Variants in STT3A observed in about 807,000 individuals in gnomAD.
The protein encoded by STT3A is STT3 oligosaccharyltransferase complex catalytic subunit A, also known as dolichyl-diphosphooligosaccharide--protein glycosyltransferase subunit STT3A.
STT3A carries 34 observed loss-of-function variants against 89.2 expected under a neutral mutation model. The ratio of observed to expected loss-of-function variants is 0.38; its 90% CI spans 0.29 to 0.51. The LOEUF (loss-of-function observed/expected upper bound fraction) is 0.51. Ranked by LOEUF, STT3A falls within the 20% of genes least tolerant of loss-of-function variation. The probability of loss-of-function intolerance (pLI) is 0.89; values close to 1 mark genes in which losing one functional copy is unlikely to be tolerated. For synonymous variants in STT3A, 282 were observed against 310.3 expected, an observed-to-expected ratio of 0.91 and a Z score of 0.96; for missense variants, 555 against 889.5, an observed-to-expected ratio of 0.62 and a Z score of 4.78.
rs1200674204 is a variant in STT3A at position 125,598,451 on chromosome 11, G to A, written c.149+1332G>A. Among the ~76,000 whole-genome samples the A allele has an allele frequency of 2.0e-5, 3 of 152,218 alleles. No individual in the cohort carries two copies. The East Asian group carries it at 5.8e-4, about 29-fold the overall frequency. On this transcript the variant is annotated intron_variant, in intron 3 of 17. Coordinates refer to ENST00000392708, the MANE Select transcript of STT3A (RefSeq NM_152713.5). Reference sequence around the variant, plus strand: ...AAAATAGTATATTCAATCTTGTGGAGTATTGATTGAAAATGCCTGCATCTA... The same window carrying A: ...AAAATAGTATATTCAATCTTGTGGAATATTGATTGAAAATGCCTGCATCTA...
chr11:125,599,243 C>T (rs1939599699), intron 3 of STT3A, among the ~76,000 whole-genome samples: 1 of 152,198 alleles, frequency 6.6e-6, no homozygotes, highest in Admixed American at 6.5e-5. Context: ...CAGTGACAAA[C>T]AGAAGGATAG....
intron 11 of STT3A, 85 bp downstream of exon 11, chr11:125,611,604 G>A: frequency 3.2e-6 from 4 of 1,253,572 alleles, no homozygotes; most frequent in Non-Finnish European, 4.6e-6. Flanking sequence ...AGAAAGTACT[G>A]ATGATTGTGC....
intron 17 of STT3A, 106 bp from the exon 18 acceptor site, chr11:125,620,666 C>T: frequency 9.6e-7 from 1 of 1,040,234 alleles, no homozygotes; most frequent in Middle Eastern, 2.1e-4. Context: ...AACCAGGCTG[C>T]AGAACCCAAC....
intron 3 of STT3A, among the ~76,000 whole-genome samples, chr11:125,600,206 A>G (rs1939630303): frequency 6.6e-6 from 1 of 151,912 alleles, no homozygotes; most frequent in Non-Finnish European, 1.5e-5. Context: ...ATGCGCCACC[A>G]CGCCTGGCTA....
chr11:125,610,492 G>A lies in STT3A; in HGVS notation c.1117+903G>A, dbSNP rs1939971858. Among the ~76,000 whole-genome samples, 3 of 152,280 alleles carry A rather than the reference G, an allele frequency of 2.0e-5. No homozygotes were observed. In the South Asian group the frequency reaches 6.2e-4, roughly 32 times the overall value. On this transcript the variant is annotated intron_variant, in intron 10 of 17. Transcript: ENST00000392708. Reference sequence around the variant, plus strand: ...CTAGCCAGTTAGGAGGCTGAGGTGAGAAGATCACTTAAGGTCAGGAATTTG... The same window carrying A: ...CTAGCCAGTTAGGAGGCTGAGGTGAAAAGATCACTTAAGGTCAGGAATTTG...
At chr11:125,608,069 T>G (rs767523259) in intron 8 of STT3A, 40 bp from the exon 9 acceptor site, 2 of 1,537,906 alleles carry the variant, frequency 1.3e-6, no homozygotes, top group Non-Finnish European at 1.7e-6. Context: ...TTACTCATTT[T>G]TTTTCCTTAG....
Position 125,608,120 on chromosome 11 carries a change from A to G in STT3A, c.792A>G (p.Ser264=). 1 of 1,607,212 alleles carries G rather than the reference A, an allele frequency of 6.2e-7. No individual in the cohort carries two copies. The highest frequency in any genetic ancestry group is 1.1e-5 in the South Asian group (1 of 89,926). Residue 264 remains serine, a synonymous_variant, in exon 9 of 18, where the codon TCA becomes TCG. Coordinates refer to ENST00000392708, the MANE Select transcript of STT3A (RefSeq NM_152713.5). The part of the protein sequence containing the change: ...ISFVGFQPVL[S]SEHMAAFGVF... ...CCTTTTACCTACAGCCTGTCCTTTC[A>G]TCAGAGCACATGGCAGCCTTTGGGG...
At chr11:125,607,547 CTTGTTAGAAAT>C (rs1195752592) in intron 8 of STT3A, among the ~76,000 whole-genome samples, 1 of 152,164 alleles carries the variant, frequency 6.6e-6, no homozygotes, top group Non-Finnish European at 1.5e-5. Context: ...CAGCTAGAAA[CTTGTTAGAAAT>C]AAATGCAAAT....
chr11:125,614,335 C>A lies in STT3A; in HGVS notation c.1683C>A (p.Ser561=). 1 of 1,614,022 alleles carries A rather than the reference C, an allele frequency of 6.2e-7. No homozygotes were observed. Among genetic ancestry groups the A allele is most frequent in the South Asian group, 1.1e-5 (1 of 91,076 alleles). The change falls in exon 15 of 18, where the codon TCC becomes TCA. Residue 561 remains serine, a synonymous_variant. Coordinates refer to ENST00000392708, the MANE Select transcript of STT3A (RefSeq NM_152713.5). The surrounding 1 kb of genome is among the most constrained non-coding windows in gnomAD (Gnocchi z 4.9). ...ATTTGTTTTTCCAGGCAATGGCGTC[C>A]ACAGAGGAAAAAGCCTATGAGATCA... The part of the protein sequence containing the change: ...HISRVGQAMA[S]TEEKAYEIMR...
intron 3 of STT3A, among the ~76,000 whole-genome samples, chr11:125,598,418 G>A (rs1330068607): frequency 6.6e-6 from 1 of 152,092 alleles, no homozygotes; most frequent in African/African-American, 2.4e-5. Flanking sequence ...AATATTATTG[G>A]TATCTTAAAA....
intron 3 of STT3A, among the ~76,000 whole-genome samples, chr11:125,597,526 G>T (rs1939533269): frequency 2.0e-5 from 3 of 152,158 alleles, no homozygotes; most frequent in Admixed American, 2.0e-4. Context: ...TTAAGATCTG[G>T]CTAGGCTAAG....
intron 9 of STT3A, among the ~76,000 whole-genome samples, chr11:125,608,952 C>T (rs2135931185): frequency 6.6e-6 from 1 of 152,230 alleles, no homozygotes; most frequent in Non-Finnish European, 1.5e-5. Flanking sequence ...TTACCATACC[C>T]TCCAAAGTGG....
chr11:125,614,337 C>T lies in STT3A; in HGVS notation c.1685C>T (p.Thr562Ile). 1 of 1,614,086 alleles carries T rather than the reference C, an allele frequency of 6.2e-7. No individual in the cohort carries two copies. Among genetic ancestry groups the T allele is most frequent in the South Asian group, 1.1e-5 (1 of 91,086 alleles). Residue 562 changes from threonine to isoleucine, a missense_variant, in exon 15 of 18, where the codon ACA becomes ATA. This residue lies in a region of STT3A where 273 missense variants were observed against 449.8 expected (regional missense o/e 0.61). Coordinates refer to ENST00000392708, the MANE Select transcript of STT3A (RefSeq NM_152713.5). The surrounding 1 kb of genome is among the most constrained non-coding windows in gnomAD (Gnocchi z 4.9). The part of the protein sequence containing the change: ...ISRVGQAMAS[T>I]EEKAYEIMRE... The stretch of plus-strand genomic sequence containing the variant: ...TTGTTTTTCCAGGCAATGGCGTCCA[C>T]AGAGGAAAAAGCCTATGAGATCATG...
intron 3 of STT3A, among the ~76,000 whole-genome samples, chr11:125,601,944 A>G (rs1053511777): frequency 5.9e-5 from 9 of 151,936 alleles, no homozygotes; most frequent in African/African-American, 1.9e-4. Context: ...GATTACAGGC[A>G]CATGCCACCG....
chr11:125,612,555 CA>C (rs1195847353), intron 11 of STT3A, 36 bp from the exon 12 acceptor site: 1 of 1,582,848 alleles, frequency 6.3e-7, no homozygotes, highest in African/African-American at 1.4e-5. Context: ...AATTGTGGAA[CA>C]CTGATTAGAC....
chr11:125,602,742 C>A, intron 4 of STT3A, 61 bp from the exon 5 acceptor site: 1 of 1,602,052 alleles, frequency 6.2e-7, no homozygotes, highest in Non-Finnish European at 8.5e-7. Flanking sequence ...GGGATTTTCC[C>A]TTTCTTTTTC....
At position 125,620,047 on chromosome 11, in the gene STT3A, A is replaced by C. The variant is rs1940304521; in HGVS notation, c.2000A>C (p.Glu667Ala). ...PPGFDRVRNA[E>A]IGNKDFELDV... ...GGCTTTGACCGTGTCCGAAATGCTG[A>C]GATTGGGAATAAAGACTTTGAGCTT... The change falls in exon 17 of 18, where the codon GAG becomes GCG. Residue 667 changes from glutamate (E) to alanine (A), a missense_variant. Glu to Ala is a moderately radical substitution (Grantham distance 107). Transcript: ENST00000392708. The C allele has an allele frequency of 6.2e-7, 1 of 1,614,010 alleles. No homozygotes were observed. The highest frequency in any genetic ancestry group is 8.5e-7 in the Non-Finnish European group (1 of 1,180,026).
chr11:125,614,011 A>G lies in STT3A; in HGVS notation c.1555-76A>G, dbSNP rs1206135273. 2 of 1,319,998 alleles carry G rather than the reference A, an allele frequency of 1.5e-6. No individual in the cohort carries two copies. The highest frequency in any genetic ancestry group is 2.2e-6 in the Non-Finnish European group (2 of 922,092). The allele number at this position is 1,319,998 out of a possible 1,614,324, so 81.8% of individuals were successfully genotyped here. On this transcript the variant is annotated intron_variant, in intron 13 of 17. Transcript: ENST00000392708. This position sits in a 1 kb window ranked among gnomAD's most constrained non-coding sequence, Gnocchi z 4.9. ...CCAGGTGTCACTTCTGTCAGACCAA[A>G]GATGCCTTCTCTGTTGCATTTGATT...
chr11:125,599,668 C>T (rs1375060177), intron 3 of STT3A, among the ~76,000 whole-genome samples: 1 of 150,354 alleles, frequency 6.7e-6, no homozygotes, highest in Non-Finnish European at 1.5e-5. Flanking sequence ...CTCTGCCTCC[C>T]AAAGTGCTGG....
Sources: allele counts gnomAD v4.1 joint callset (sites outside exome capture counted in the v4.1 genomes callset), GRCh38; gene constraint gnomAD v4.1.1; regional missense constraint gnomAD v4.1.1; non-coding constraint Gnocchi (gnomAD v3.1); transcripts MANE v1.5; gene names NCBI Gene and HGNC (gene_info 2026-07-23, HGNC 2026-07-21).